IGF2R: variants seen among roughly 807,000 people sequenced by gnomAD.
The protein encoded by IGF2R is cation-independent mannose-6-phosphate receptor.
In IGF2R, 91 loss-of-function variants were observed where a neutral mutation model predicts 270.6. That is an observed-to-expected ratio of 0.34 (90% confidence interval 0.28 to 0.40). The LOEUF (loss-of-function observed/expected upper bound fraction) is 0.40. IGF2R is among the 10% of genes least tolerant of loss of function. The pLI, the probability that IGF2R is intolerant of heterozygous loss-of-function variation, is 1.00. For missense variants in IGF2R, 2,805 were observed against 3,188.3 expected, an observed-to-expected ratio of 0.88 and a Z score of 2.90; for synonymous variants, 1,316 against 1,258.9, an observed-to-expected ratio of 1.05 and a Z score of -0.96.
intron 1 of IGF2R, among the ~76,000 whole-genome samples, chr6:159,986,133 G>T (rs1291136676): frequency 6.6e-6 from 1 of 151,928 alleles, no homozygotes; most frequent in African/African-American, 2.4e-5. Context: ...GTTTCCTTCA[G>T]TTGAGATGGA....
At chr6:160,090,192 C>G (rs1460798017) in intron 44 of IGF2R, 89 bp downstream of exon 44, 1 of 919,160 alleles carries the variant, frequency 1.1e-6, no homozygotes, top group Non-Finnish European at 1.6e-6. Flanking sequence ...CAGTTGAAAT[C>G]TCGGACCACT....
At chr6:160,041,586 A>G (rs1188733282) in intron 11 of IGF2R, among the ~76,000 whole-genome samples, 1 of 152,164 alleles carries the variant, frequency 6.6e-6, no homozygotes, top group African/African-American at 2.4e-5. Context: ...CTCCACATGT[A>G]TCTTGTTTTT....
rs939596714 is a variant in IGF2R, at chr6:160,104,875, T to C, written c.7267T>C (p.Ser2423Pro). ...VLTIPEVKVHSGRGAGAESSH... is the reference protein window; with the variant it reads ...VLTIPEVKVHPGRGAGAESSH... The stretch of plus-strand genomic sequence containing the variant: ...GACCATCCCAGAGGTGAAAGTTCAC[T>C]CGGGCAGGGGAGCTGGGGCAGAGAG... Residue 2423 changes from serine to proline, a missense_variant, in exon 48 of 48, where the codon TCG becomes CCG. Ser to Pro is a moderately conservative substitution (Grantham distance 74). Coordinates refer to ENST00000356956, the MANE Select transcript of IGF2R (RefSeq NM_000876.4). 2.5e-6 allele frequency: 4 copies of C among 1,613,984 alleles called. No individual in the cohort carries two copies. In the African/African-American group the frequency reaches 5.3e-5, roughly 22 times the overall value.
At chr6:160,040,109 G>A (rs1777911613) in intron 10 of IGF2R, among the ~76,000 whole-genome samples, 1 of 152,154 alleles carries the variant, frequency 6.6e-6, no homozygotes, top group African/African-American at 2.4e-5. Flanking sequence ...AACTTGTCTT[G>A]TTCACAGTCG....
intron 5 of IGF2R, among the ~76,000 whole-genome samples, chr6:160,025,730 A>T (rs528073864): frequency 9.2e-5 from 14 of 152,216 alleles, no homozygotes; most frequent in Admixed American, 9.2e-4. Context: ...GATAACCTTT[A>T]TTGATTTTTT....
At position 159,998,022 on chromosome 6, in the gene IGF2R, G is replaced by C. The variant is rs764335863; in HGVS notation, c.289+6699G>C. Among the ~76,000 whole-genome samples the C allele has an allele frequency of 2.5e-4, 38 of 152,196 alleles. No individual in the cohort carries two copies. The highest frequency in any genetic ancestry group is 3.4e-4 in the Non-Finnish European group (23 of 68,044). Reference sequence around the variant, plus strand: ...GATTTGAGGCCTGGGATTGAGATCTGAGAAAGCACTAGATTGTTGTGAATT... The same window carrying C: ...GATTTGAGGCCTGGGATTGAGATCTCAGAAAGCACTAGATTGTTGTGAATT... On this transcript the variant is annotated intron_variant, in intron 2 of 47. Transcript: ENST00000356956. This position sits in a 1 kb window ranked among gnomAD's most constrained non-coding sequence, Gnocchi z 4.1.
intron 12 of IGF2R, among the ~76,000 whole-genome samples, chr6:160,043,916 A>G (rs565329740): frequency 1.5e-4 from 23 of 152,384 alleles, no homozygotes; most frequent in African/African-American, 5.5e-4. Context: ...CTCGGTATTC[A>G]GAATTGCTGG....
chr6:159,979,023 G>A (rs528829846), intron 1 of IGF2R, among the ~76,000 whole-genome samples: 2 of 152,264 alleles, frequency 1.3e-5, no homozygotes, highest in South Asian at 4.1e-4. Flanking sequence ...GTGTGTGACA[G>A]CAAAAACTGG....
At chr6:160,082,789 A>T (rs2115285931) in intron 39 of IGF2R, among the ~76,000 whole-genome samples, 1 of 152,354 alleles carries the variant, frequency 6.6e-6, no homozygotes, top group Non-Finnish European at 1.5e-5. Flanking sequence ...CCAGGGCAGC[A>T]CGTGGTGTGT....
chr6:160,032,902 T>A, intron 8 of IGF2R, 40 bp from the exon 9 acceptor site: 1 of 1,517,918 alleles, frequency 6.6e-7, no homozygotes, highest in Non-Finnish European at 9.1e-7. Flanking sequence ...TACCTATTCA[T>A]ATAAAACAAG....
intron 2 of IGF2R, chr6:160,003,834 G>C (rs555356882): frequency 1.2e-4 from 19 of 152,218 alleles, no homozygotes; most frequent in African/African-American, 4.3e-4. Flanking sequence ...GGAAAGGAAG[G>C]GTAATCAGGA....
chr6:160,047,341 G>A lies in IGF2R; in HGVS notation c.2229+5G>A. 2 of 1,580,618 alleles carry A rather than the reference G, an allele frequency of 1.3e-6. No homozygotes were observed. The highest frequency in any genetic ancestry group is 1.7e-6 in the Non-Finnish European group (2 of 1,166,406). ...GTGGGCTTCCCTGAATATCAGGTAG[G>A]AATGTTTGTTCCTCATCGCGCTCCC... is the stretch of plus-strand genomic sequence containing the variant. On this transcript the variant is annotated splice_donor_5th_base_variant and intron_variant, in intron 16 of 47. Transcript: ENST00000356956.
chr6:159,972,225 G>A (rs1176936942), intron 1 of IGF2R, among the ~76,000 whole-genome samples: 7 of 151,924 alleles, frequency 4.6e-5, no homozygotes, highest in East Asian at 1.9e-4. Context: ...TAAATAACTC[G>A]GCCAGGTCTC....
rs751848962 is a variant in IGF2R, at chr6:160,024,753, A to G, written c.646+49A>G. 49 of 1,586,612 alleles carry G rather than the reference A, an allele frequency of 3.1e-5. 1 individual carries two copies. Among genetic ancestry groups the G allele is most frequent in the South Asian group, 4.4e-5 (4 of 89,924 alleles). ...GGGGTGGTGGTGAGGGATTTCTTCT[A>G]TGGCTTCAATATCTTTGCCTTTCTA... is the stretch of plus-strand genomic sequence containing the variant. On this transcript the variant is annotated intron_variant, in intron 5 of 47. Coordinates refer to ENST00000356956, the MANE Select transcript of IGF2R (RefSeq NM_000876.4).
At position 159,991,291 on chromosome 6, in the gene IGF2R, A is replaced by G. The variant is rs1241377831; in HGVS notation, c.257A>G (p.His86Arg). ...GGGCCATCAAGTGCTGTTTGTATGC[A>G]CGACTTGAAGACACGCACTTATCAT... ...QCGPSSAVCMHDLKTRTYHSV... is the reference protein window; with the variant it reads ...QCGPSSAVCMRDLKTRTYHSV... Residue 86 changes from histidine to arginine, a missense_variant, in exon 2 of 48, where the codon CAC (histidine) becomes CGC (arginine). Physicochemically the swap from His to Arg is conservative, Grantham distance 29 (BLOSUM62 0). This residue lies in a region of IGF2R where 954 missense variants were observed against 981.1 expected (regional missense o/e 0.97). Coordinates refer to ENST00000356956, the MANE Select transcript of IGF2R (RefSeq NM_000876.4). 7 of 1,613,796 alleles carry G rather than the reference A, an allele frequency of 4.3e-6. No homozygotes were observed. Among genetic ancestry groups the G allele is most frequent in the Non-Finnish European group, 5.9e-6 (7 of 1,179,862 alleles).
chr6:160,065,266 A>G (rs1322054242), intron 29 of IGF2R, among the ~76,000 whole-genome samples: 2 of 152,122 alleles, frequency 1.3e-5, no homozygotes, highest in African/African-American at 4.8e-5. Flanking sequence ...GCTTTGCCAG[A>G]TCGCCCTCTG....
intron 2 of IGF2R, among the ~76,000 whole-genome samples, chr6:160,008,257 A>G (rs961276555): frequency 6.6e-6 from 1 of 151,958 alleles, no homozygotes; most frequent in Admixed American, 6.5e-5. Context: ...ATGGAAAACT[A>G]TTTTGTTTCC....
Position 160,064,835 on chromosome 6 carries a change from C to G in IGF2R, c.4049C>G (p.Ser1350Cys), listed in dbSNP as rs774033988. The change falls in exon 29 of 48, where the codon TCC (serine) becomes TGC (cysteine). Residue 1350 changes from serine to cysteine, a missense_variant. Ser to Cys is a moderately radical substitution (Grantham distance 112, BLOSUM62 -1). Coordinates refer to ENST00000356956, the MANE Select transcript of IGF2R (RefSeq NM_000876.4). The stretch of plus-strand genomic sequence containing the variant: ...TTTCTAAAGGAGACTTCAGATTGTT[C>G]CTACTTGTTTGAGTGGCGAACGCAG... ...PVFLKETSDC[S>C]YLFEWRTQYA... is the part of the protein sequence containing the mutation. The G allele has an allele frequency of 2.5e-6, 4 of 1,613,406 alleles. No individual in the cohort carries two copies. The African/African-American group carries it at 4.0e-5, about 16-fold the overall frequency.
intron 1 of IGF2R, among the ~76,000 whole-genome samples, chr6:159,975,671 G>GT (rs1783679824): frequency 7.4e-6 from 1 of 135,178 alleles, no homozygotes; most frequent in Non-Finnish European, 1.5e-5. Context: ...ACCCATACAT[G>GT]TATTATATAT....
Sources: allele counts gnomAD v4.1 joint callset (sites outside exome capture counted in the v4.1 genomes callset), GRCh38; gene constraint gnomAD v4.1.1; regional missense constraint gnomAD v4.1.1; non-coding constraint Gnocchi (gnomAD v3.1); transcripts MANE v1.5; gene names NCBI Gene and HGNC (gene_info 2026-07-23, HGNC 2026-07-21).